PKD1L1: variants seen among roughly 807,000 people sequenced by gnomAD.
PKD1L1 encodes polycystin-1-like protein 1.
A neutral mutation model predicts 323.4 loss-of-function variants in PKD1L1; 236 were observed. The observed-to-expected ratio is 0.73, with a 90% confidence interval of 0.66 to 0.81. The LOEUF is 0.81. Ranked by LOEUF, PKD1L1 falls within the 40% of genes least tolerant of loss-of-function variation. The pLI, the probability that PKD1L1 is intolerant of heterozygous loss-of-function variation, is 0.00. For missense variants in PKD1L1, 3,320 were observed against 3,508.0 expected (o/e 0.95, Z 1.35); for synonymous variants, 1,344 against 1,335.0 (o/e 1.01, Z -0.15).
chr7:47,960,880 A>G, the PKD1L1 span, among the ~76,000 whole-genome samples: 1 of 150,194 alleles, frequency 6.7e-6, no homozygotes. Flanking sequence ...AAAAGACAAA[A>G]GATTAGCTTT....
chr7:47,846,858 C>G, intron 32 of PKD1L1, 21 bp downstream of exon 32: 1 of 1,582,604 alleles, frequency 6.3e-7, no homozygotes, highest in South Asian at 1.2e-5. Flanking sequence ...ATCTCAGATT[C>G]TTTCTCAAAT....
At chr7:47,952,214 A>G (rs147303990), upstream of PKD1L1, among the ~76,000 whole-genome samples, 249 of 152,334 alleles carry the variant, frequency 1.6e-3, no homozygotes, top group African/African-American at 5.7e-3. Flanking sequence ...AGAAAAATTG[A>G]TAAGATCTTG....
chr7:47,853,755 A>G (rs1360519454), intron 30 of PKD1L1, among the ~76,000 whole-genome samples: 2 of 140,906 alleles, frequency 1.4e-5, no homozygotes, highest in Non-Finnish European at 3.1e-5. Flanking sequence ...AAAACAAACA[A>G]ACAAACAAAC....
intron 1 of PKD1L1, among the ~76,000 whole-genome samples, chr7:47,943,891 A>C (rs1243284973): frequency 6.6e-6 from 1 of 151,818 alleles, no homozygotes. Flanking sequence ...CATCATCCCC[A>C]TTCCTGCTGC....
Position 47,907,829 on chromosome 7 carries a change from A to T in PKD1L1, c.1402+248T>A, listed in dbSNP as rs55790657. ...TAATGTCGTGTCTCATCTTGCTCCTATGCATATCTTAATATTTTCACTAAG... is the reference window on the plus strand; with the variant it reads ...TAATGTCGTGTCTCATCTTGCTCCTTTGCATATCTTAATATTTTCACTAAG... On this transcript the variant is annotated intron_variant, in intron 9 of 56. Transcript: ENST00000289672. Among the ~76,000 whole-genome samples the T allele has an allele frequency of 0.044, 6,643 of 152,260 alleles. 502 individuals are homozygous for T. Among genetic ancestry groups the T allele is most frequent in the African/African-American group, 0.15 (6,327 of 41,528 alleles).
chr7:47,879,356 G>A (rs974010899), intron 21 of PKD1L1, among the ~76,000 whole-genome samples: 8 of 152,158 alleles, frequency 5.3e-5, no homozygotes, highest in South Asian at 2.1e-4. Context: ...GGCTGGGTGC[G>A]GTGGCTTATG....
Position 47,946,909 on chromosome 7 carries a change from T to C in PKD1L1, c.44+1488A>G, listed in dbSNP as rs1583697570. On this transcript the variant is annotated intron_variant, in intron 1 of 56. Coordinates refer to ENST00000289672, the MANE Select transcript of PKD1L1 (RefSeq NM_138295.5). The surrounding 1 kb of genome is among the most constrained non-coding windows in gnomAD (Gnocchi z 4.1). ...GTATAAATATACAGGGGAAAAAACA[T>C]CAAGTCAGCGACTTCCGCTCCTCAG... is the stretch of plus-strand genomic sequence containing the variant. 7.2e-6 allele frequency among the ~76,000 whole-genome samples: 1 copy of C among 138,888 alleles called. No individual in the cohort carries two copies. The highest frequency in any genetic ancestry group is 3.4e-5 in the African/African-American group (1 of 29,044). 91.1% of individuals were successfully genotyped at this position (138,888 alleles called of 152,430 possible). A position where few individuals can be genotyped will look rare whatever the true frequency, so the allele number is the denominator to read the frequency against.
chr7:47,905,455 C>T, intron 10 of PKD1L1, 130 bp from the exon 11 acceptor site: 9 of 1,047,692 alleles, frequency 8.6e-6, no homozygotes, highest in Non-Finnish European at 1.2e-5. Context: ...GATATGCATG[C>T]AGATTGGCAG....
intron 34 of PKD1L1, among the ~76,000 whole-genome samples, chr7:47,842,099 A>G (rs1241017209): frequency 6.6e-6 from 1 of 152,232 alleles, no homozygotes; most frequent in Non-Finnish European, 1.5e-5. Flanking sequence ...CTTAGAAATC[A>G]TCTAAAGCTT....
chr7:47,881,023 C>T (rs995898754), intron 20 of PKD1L1, among the ~76,000 whole-genome samples: 2 of 151,934 alleles, frequency 1.3e-5, no homozygotes, highest in African/African-American at 4.8e-5. Flanking sequence ...ATGGTCCATC[C>T]ATCCCTGGCT....
In PKD1L1 at chr7:47,928,282, CG is replaced by C. The variant is rs932645189; in HGVS notation, c.1060+921del. Among the ~76,000 whole-genome samples, 338 of 152,110 alleles carry C rather than the reference CG, an allele frequency of 2.2e-3. 3 individuals are homozygous for C. The highest frequency in any genetic ancestry group is 6.9e-3 in the African/African-American group (288 of 41,516). On this transcript the variant is annotated intron_variant, in intron 7 of 56. Transcript: ENST00000289672. ...AAAAGTAACTTTAAAAACAAAAGGC[CG>C]GGGGGGAAGGTGCAGTGGCTCACAC...
chr7:47,835,344 A>C, intron 37 of PKD1L1, 101 bp from the exon 38 acceptor site: 2 of 668,664 alleles, frequency 3.0e-6, no homozygotes, highest in Non-Finnish European at 5.1e-6. Context: ...GAATACATAC[A>C]TTATATTTAA....
intron 17 of PKD1L1, 151 bp downstream of exon 17, chr7:47,887,839 C>G: frequency 1.4e-6 from 1 of 709,066 alleles, no homozygotes; most frequent in Non-Finnish European, 2.3e-6. Context: ...ACTGTAGAGG[C>G]AAGAGGGGCT....
intron 8 of PKD1L1, among the ~76,000 whole-genome samples, chr7:47,914,494 AGGCAAGGCAG>A (rs1787387481): frequency 6.6e-6 from 1 of 152,176 alleles, no homozygotes; most frequent in Admixed American, 6.5e-5. Context: ...GGGTCTTCAT[AGGCAAGGCAG>A]GGCAGAAGAC....
intron 33 of PKD1L1, among the ~76,000 whole-genome samples, chr7:47,844,142 G>A (rs564524316): frequency 1.6e-4 from 24 of 152,278 alleles, no homozygotes; most frequent in African/African-American, 5.3e-4. Context: ...TATCAATGCC[G>A]CAGACACCAT....
chr7:47,830,630 T>C (rs933327260), intron 42 of PKD1L1, among the ~76,000 whole-genome samples: 4 of 151,908 alleles, frequency 2.6e-5, no homozygotes, highest in African/African-American at 9.7e-5. Flanking sequence ...CCTCACAGAG[T>C]GATTCAACAT....
chr7:47,899,760 T>A (rs1240074040), intron 13 of PKD1L1, among the ~76,000 whole-genome samples: 1 of 151,914 alleles, frequency 6.6e-6, no homozygotes, highest in Non-Finnish European at 1.5e-5. Context: ...ATCAAGACCA[T>A]CCTGGCTAAC....
intron 19 of PKD1L1, among the ~76,000 whole-genome samples, chr7:47,883,116 T>C (rs918075471): frequency 1.3e-5 from 2 of 152,232 alleles, no homozygotes; most frequent in African/African-American, 2.4e-5. Flanking sequence ...CTACTGTGAG[T>C]ACGAATGTGA....
At chr7:47,821,236 T>C (rs761379778) in intron 45 of PKD1L1, 50 bp from the exon 46 acceptor site, 4 of 1,076,590 alleles carry the variant, frequency 3.7e-6, no homozygotes, top group Non-Finnish European at 5.6e-6. Flanking sequence ...TGTATGTAGG[T>C]ACCTGAGTGC....
Sources: allele counts gnomAD v4.1 joint callset (sites outside exome capture counted in the v4.1 genomes callset), GRCh38; gene constraint gnomAD v4.1.1; non-coding constraint Gnocchi (gnomAD v3.1); transcripts MANE v1.5; gene names NCBI Gene and HGNC (gene_info 2026-07-23, HGNC 2026-07-21).